CSMD3: variants seen among roughly 807,000 people sequenced by gnomAD.
CSMD3 encodes CUB and Sushi multiple domains 3.
A neutral mutation model predicts 435.2 loss-of-function variants in CSMD3; 177 were observed. That is an observed-to-expected ratio of 0.41 (90% CI 0.36 to 0.46). The LOEUF (loss-of-function observed/expected upper bound fraction) is 0.46, where lower values mean the gene tolerates loss of function less well. Ranked by LOEUF, CSMD3 falls within the 20% of genes least tolerant of loss-of-function variation. The pLI, the probability that CSMD3 is intolerant of heterozygous loss-of-function variation, is 0.34. For missense variants in CSMD3, 4,265 were observed against 4,504.6 expected, an observed-to-expected ratio of 0.95 and a Z score of 1.52; for synonymous variants, 1,656 against 1,520.5, an observed-to-expected ratio of 1.09 and a Z score of -2.07.
At chr8:112,446,657 A>G (rs1815638230) in intron 32 of CSMD3, among the ~76,000 whole-genome samples, 1 of 152,176 alleles carries the variant, frequency 6.6e-6, no homozygotes, top group African/African-American at 2.4e-5. Context: ...TTATTTTTGT[A>G]CACTTTTGGT....
intron 3 of CSMD3, among the ~76,000 whole-genome samples, chr8:113,189,052 A>G (rs1180556661): frequency 6.6e-6 from 1 of 151,848 alleles, no homozygotes; most frequent in Non-Finnish European, 1.5e-5. Flanking sequence ...ATTTCATTCC[A>G]TTCAAACCAC....
intron 32 of CSMD3, among the ~76,000 whole-genome samples, chr8:112,460,466 A>G (rs1024454111): frequency 2.6e-5 from 4 of 151,688 alleles, no homozygotes; most frequent in Admixed American, 6.6e-5. Context: ...TCTACAGCTG[A>G]GTTTTATTTA....
At chr8:113,110,187 C>T (rs1358744881) in intron 4 of CSMD3, among the ~76,000 whole-genome samples, 1 of 152,168 alleles carries the variant, frequency 6.6e-6, no homozygotes, top group Non-Finnish European at 1.5e-5. Context: ...CCTGACCACA[C>T]CCTTCCTGTT....
chr8:112,386,744 G>T (rs1383047050), intron 36 of CSMD3, among the ~76,000 whole-genome samples: 2 of 151,350 alleles, frequency 1.3e-5, no homozygotes, highest in African/African-American at 4.8e-5. Flanking sequence ...TGATCCGCCC[G>T]CCTCGGCCCC....
chr8:112,370,525 C>T (rs892871535), intron 38 of CSMD3, among the ~76,000 whole-genome samples: 2 of 152,080 alleles, frequency 1.3e-5, no homozygotes, highest in African/African-American at 4.8e-5. Context: ...TTCCTACTAC[C>T]TCACTTTTTT....
intron 1 of CSMD3, among the ~76,000 whole-genome samples, chr8:113,321,255 C>G (rs1385105962): frequency 6.6e-6 from 1 of 152,120 alleles, no homozygotes; most frequent in African/African-American, 2.4e-5. Context: ...ATACTTCTCT[C>G]CATGTATCTT....
intron 3 of CSMD3, among the ~76,000 whole-genome samples, chr8:113,198,273 C>T (rs1393063175): frequency 6.6e-6 from 1 of 151,264 alleles, no homozygotes; most frequent in African/African-American, 2.4e-5. Flanking sequence ...TGGATTACTT[C>T]ATATCATAAT....
At position 112,903,780 on chromosome 8, in the gene CSMD3, A is replaced by G. The variant is rs1458142080; in HGVS notation, c.1633+17847T>C. On this transcript the variant is annotated intron_variant, in intron 10 of 70. Coordinates refer to ENST00000297405, the MANE Select transcript of CSMD3 (RefSeq NM_198123.2). ...AGTAGGAAATGACTCAAACTTCTAC[A>G]TTTCCAAAGTAAAACACTTGTTCAC... 2.0e-5 allele frequency among the ~76,000 whole-genome samples: 3 copies of G among 151,438 alleles called. No homozygotes were observed. The East Asian group carries it at 5.9e-4, about 30-fold the overall frequency.
chr8:113,126,212 T>C (rs928039817), intron 4 of CSMD3, among the ~76,000 whole-genome samples: 1 of 151,820 alleles, frequency 6.6e-6, no homozygotes. Context: ...TGAGAAACAA[T>C]AAAGCTAGGC....
intron 10 of CSMD3, among the ~76,000 whole-genome samples, chr8:112,871,837 T>C (rs1325053451): frequency 6.6e-6 from 1 of 152,108 alleles, no homozygotes; most frequent in African/African-American, 2.4e-5. Context: ...TACTACATTA[T>C]GGTGAAATGA....
chr8:112,940,839 C>T (rs573682976), intron 9 of CSMD3, among the ~76,000 whole-genome samples: 3 of 151,696 alleles, frequency 2.0e-5, no homozygotes, highest in South Asian at 2.1e-4. Context: ...TTTACTAATA[C>T]GATGAATTTG....
intron 5 of CSMD3, among the ~76,000 whole-genome samples, chr8:113,058,172 A>G (rs964519515): frequency 2.0e-5 from 3 of 151,948 alleles, no homozygotes; most frequent in African/African-American, 7.2e-5. Flanking sequence ...TCTTTCAAAT[A>G]AATTTTATTA....
chr8:112,772,179 G>C (rs929612756), intron 13 of CSMD3, among the ~76,000 whole-genome samples: 6 of 150,892 alleles, frequency 4.0e-5, no homozygotes, highest in African/African-American at 1.5e-4. Flanking sequence ...AAAACTGTGG[G>C]GAAAAGAAAG....
At chr8:112,502,949 C>A (rs1224383104) in intron 30 of CSMD3, among the ~76,000 whole-genome samples, 1 of 152,072 alleles carries the variant, frequency 6.6e-6, no homozygotes, top group East Asian at 1.9e-4. Context: ...TAGACATAAA[C>A]TATAAAATTT....
chr8:112,738,969 C>T (rs1044830751), intron 13 of CSMD3, among the ~76,000 whole-genome samples: 22 of 151,576 alleles, frequency 1.5e-4, no homozygotes, highest in African/African-American at 5.3e-4. Context: ...TTTCATTATT[C>T]ACTTACTGAA....
At chr8:113,408,090 A>C (rs2094541118) in intron 1 of CSMD3, among the ~76,000 whole-genome samples, 1 of 152,268 alleles carries the variant, frequency 6.6e-6, no homozygotes, top group African/African-American at 2.4e-5. Flanking sequence ...GAAATCCCAT[A>C]GAGATTCTAT....
intron 32 of CSMD3, among the ~76,000 whole-genome samples, chr8:112,452,853 A>T (rs1272485603): frequency 2.0e-5 from 3 of 152,214 alleles, no homozygotes; most frequent in African/African-American, 7.2e-5. Flanking sequence ...TAGAATTCTG[A>T]ACTGTTTTCT....
In CSMD3 at chr8:112,528,429, C is replaced by T. The variant is rs368980328; in HGVS notation, c.4565-11204G>A. 1.2e-3 allele frequency among the ~76,000 whole-genome samples: 182 copies of T among 152,096 alleles called. 1 individual carries two copies. Among genetic ancestry groups the T allele is most frequent in the African/African-American group, 4.0e-3 (164 of 41,496 alleles). ...ACAGTAAATTCTCAATCAAAATATCCCATTCTTCATAACATGCTAGCAAGT... is the reference window on the plus strand; with the variant it reads ...ACAGTAAATTCTCAATCAAAATATCTCATTCTTCATAACATGCTAGCAAGT... On this transcript the variant is annotated intron_variant, in intron 27 of 70. Transcript: ENST00000297405.
chr8:113,049,334 C>T lies in CSMD3; in HGVS notation c.918-30155G>A, dbSNP rs116804851. ...CACCTGAGGGCAGCAAACAAAGTGC[C>T]CAGGGGCCCATATCCTAGACATTCC... On this transcript the variant is annotated intron_variant, in intron 5 of 70. Transcript: ENST00000297405. 6.8e-3 allele frequency among the ~76,000 whole-genome samples: 1,030 copies of T among 152,006 alleles called. 13 individuals are homozygous for T. Among genetic ancestry groups the T allele is most frequent in the African/African-American group, 0.024 (990 of 41,482 alleles).
Sources: gnomAD v4.1 joint callset for allele counts (sites outside exome capture counted in the v4.1 genomes callset) on GRCh38, gnomAD v4.1.1 for gene constraint, MANE v1.5 for transcripts, NCBI Gene and HGNC (gene_info 2026-07-23, HGNC 2026-07-21) for gene names.